Variants in GPC3 observed in about 807,000 individuals in gnomAD.
GPC3 encodes glypican 3.
In GPC3, 3 loss-of-function variants were observed where a neutral mutation model predicts 34.4. That is an observed-to-expected ratio of 0.09 (90% CI 0.04 to 0.23). GPC3 has a LOEUF of 0.23. Among genes scored for constraint, GPC3 ranks in the 10% least tolerant of loss-of-function variants. The probability of loss-of-function intolerance (pLI) is 1.00; values close to 1 mark genes in which losing one functional copy is unlikely to be tolerated. For synonymous variants in GPC3, 177 were observed against 174.0 expected (o/e 1.02, Z -0.13); for missense variants, 351 against 445.6 (o/e 0.79, Z 1.91).
chrX:133,617,619 A>G (rs2070181029), intron 6 of GPC3, among the ~76,000 whole-genome samples: 1 of 112,329 alleles, frequency 8.9e-6, no homozygotes. Context: ...ACCAAATAGT[A>G]TCTTCCTAAG....
chrX:133,829,033 C>T (rs2075763294), intron 2 of GPC3, among the ~76,000 whole-genome samples: 1 of 111,553 alleles, frequency 9.0e-6, no homozygotes, highest in South Asian at 3.7e-4. Flanking sequence ...ACAATAAAAA[C>T]CCATGTCCAA....
chrX:133,864,121 A>G (rs2075955492), intron 2 of GPC3, among the ~76,000 whole-genome samples: 1 of 111,350 alleles, frequency 9.0e-6, no homozygotes, highest in Non-Finnish European at 1.9e-5. Flanking sequence ...TATTTTCTGG[A>G]AAGGGTGCAG....
intron 3 of GPC3, among the ~76,000 whole-genome samples, chrX:133,742,483 C>T (rs1027176307): frequency 9.0e-6 from 1 of 111,564 alleles, no homozygotes; most frequent in African/African-American, 3.3e-5. Flanking sequence ...TTCAGCTCCA[C>T]TACATGAGAT....
chrX:133,947,095 T>G (rs2124631555), intron 2 of GPC3, among the ~76,000 whole-genome samples: 1 of 111,824 alleles, frequency 8.9e-6, no homozygotes, highest in Non-Finnish European at 1.9e-5. Flanking sequence ...AACATATGTT[T>G]TCAGAAAGTA....
At chrX:133,663,285 A>C (rs1302775279) in intron 5 of GPC3, among the ~76,000 whole-genome samples, 1 of 111,827 alleles carries the variant, frequency 8.9e-6, no homozygotes, top group African/African-American at 3.2e-5. Context: ...AAAAAATACA[A>C]AAAATTAGCT....
At chrX:133,886,737 G>A (rs1458036335) in intron 2 of GPC3, among the ~76,000 whole-genome samples, 1 of 112,093 alleles carries the variant, frequency 8.9e-6, no homozygotes, top group Non-Finnish European at 1.9e-5. Context: ...TTAGCGTAAT[G>A]ACCTTCGGTT....
chrX:133,718,939 T>C (rs1334523912), intron 3 of GPC3, among the ~76,000 whole-genome samples: 2 of 111,700 alleles, frequency 1.8e-5, no homozygotes, highest in African/African-American at 6.5e-5. Context: ...GCCCAAAATA[T>C]ATGAAGTAAA....
chrX:133,800,582 G>A (rs2075604540), intron 2 of GPC3, among the ~76,000 whole-genome samples: 1 of 112,021 alleles, frequency 8.9e-6, no homozygotes, highest in Non-Finnish European at 1.9e-5. Flanking sequence ...TTCTGAAATC[G>A]CTTTTTGTTG....
At chrX:133,903,928 G>A (rs1200145540) in intron 2 of GPC3, among the ~76,000 whole-genome samples, 8 of 111,510 alleles carry the variant, frequency 7.2e-5, no homozygotes, top group Non-Finnish European at 1.3e-4. Flanking sequence ...CAGGAAAGTC[G>A]CCAAATACCT....
intron 5 of GPC3, among the ~76,000 whole-genome samples, chrX:133,677,067 C>G (rs948771111): frequency 6.3e-5 from 7 of 111,757 alleles, no homozygotes; most frequent in South Asian, 3.8e-4. Context: ...CTTTTTCCTG[C>G]TCAGAAGCCC....
chrX:133,954,353 A>G (rs188022299), intron 1 of GPC3, among the ~76,000 whole-genome samples: 57 of 112,154 alleles, frequency 5.1e-4, no homozygotes, highest in African/African-American at 1.8e-3. Context: ...TAAAGGTGTC[A>G]ATTGTTTTAT....
chrX:133,676,610 C>A (rs191425884), intron 5 of GPC3, among the ~76,000 whole-genome samples: 1 of 112,385 alleles, frequency 8.9e-6, no homozygotes, highest in East Asian at 2.8e-4. Context: ...TGCTCTCCTG[C>A]TGGAACAAGT....
intron 5 of GPC3, among the ~76,000 whole-genome samples, chrX:133,678,923 G>C (rs1255948232): frequency 5.4e-5 from 6 of 112,100 alleles, no homozygotes; most frequent in Admixed American, 9.4e-5. Context: ...GACACAGGCT[G>C]TCTTTCTCCA....
intron 2 of GPC3, among the ~76,000 whole-genome samples, chrX:133,871,925 T>C (rs1204147452): frequency 8.9e-6 from 1 of 111,804 alleles, no homozygotes; most frequent in African/African-American, 3.3e-5. Context: ...TTAAAGATGA[T>C]GGCAGGTAAC....
chrX:133,658,806 A>G lies in GPC3; in HGVS notation c.1413+2924T>C, dbSNP rs202071706. Reference sequence around the variant, plus strand: ...AGAGGTAGGAAAAAGGAATTGTAATAGCGACTTTTCTCACTCTATGTACAT... The same window carrying G: ...AGAGGTAGGAAAAAGGAATTGTAATGGCGACTTTTCTCACTCTATGTACAT... On this transcript the variant is annotated intron_variant, in intron 6 of 7. Transcript: ENST00000370818. Among the ~76,000 whole-genome samples, 10 of 112,128 alleles carry G rather than the reference A, an allele frequency of 8.9e-5. No individual in the cohort carries two copies. In the East Asian group the frequency reaches 2.8e-3, roughly 31 times the overall value.
At chrX:133,618,486 G>A (rs945095550) in intron 6 of GPC3, among the ~76,000 whole-genome samples, 2 of 111,061 alleles carry the variant, frequency 1.8e-5, no homozygotes, top group African/African-American at 6.6e-5. Flanking sequence ...ACATGCAAAA[G>A]AGTACATTTG....
chrX:133,665,996 T>C (rs1227812548), intron 5 of GPC3, among the ~76,000 whole-genome samples: 2 of 111,641 alleles, frequency 1.8e-5, no homozygotes, highest in Non-Finnish European at 3.8e-5. Context: ...TCCACTTCTA[T>C]AAAACAAGCG....
chrX:133,698,191 A>G (rs1186848420), intron 4 of GPC3, among the ~76,000 whole-genome samples: 1 of 112,359 alleles, frequency 8.9e-6, no homozygotes, highest in Non-Finnish European at 1.9e-5. Flanking sequence ...TCGGAAGGGC[A>G]AAGAAGGGAG....
intron 7 of GPC3, among the ~76,000 whole-genome samples, chrX:133,554,082 C>T (rs764850117): frequency 4.9e-4 from 51 of 104,626 alleles, no homozygotes; most frequent in African/African-American, 1.8e-3. Context: ...GGCACAATCT[C>T]GGCTCACTGC....
Sources: gnomAD v4.1 joint callset for allele counts (sites outside exome capture counted in the v4.1 genomes callset) on GRCh38, gnomAD v4.1.1 for gene constraint, MANE v1.5 for transcripts, NCBI Gene and HGNC (gene_info 2026-07-23, HGNC 2026-07-21) for gene names.